FAM168A: variants seen among roughly 807,000 people sequenced by gnomAD.
The protein encoded by FAM168A is protein FAM168A.
FAM168A carries 3 observed loss-of-function variants against 28.5 expected under a neutral mutation model. That is an observed-to-expected ratio of 0.11 (90% CI 0.05 to 0.27). The LOEUF (loss-of-function observed/expected upper bound fraction) is 0.27. FAM168A is among the 10% of genes least tolerant of loss of function. The pLI is 1.00. For missense variants in FAM168A, 222 were observed against 311.5 expected (o/e 0.71, Z 2.16); for synonymous variants, 122 against 124.2 (o/e 0.98, Z 0.12).
chr11:73,414,840 C>G (rs1038234515), intron 4 of FAM168A, among the ~76,000 whole-genome samples: 1 of 152,154 alleles, frequency 6.6e-6, no homozygotes. Flanking sequence ...AACACAGACT[C>G]CAGGATTCTA....
chr11:73,460,951 G>C (rs1867635941), intron 2 of FAM168A, among the ~76,000 whole-genome samples: 1 of 152,146 alleles, frequency 6.6e-6, no homozygotes, highest in African/African-American at 2.4e-5. Context: ...CAGCTATAAG[G>C]TGAGCAGAAA....
At chr11:73,521,512 T>A (rs57673166) in intron 1 of FAM168A, among the ~76,000 whole-genome samples, 11,840 of 152,224 alleles carry the variant, frequency 0.078, 559 homozygotes, top group Non-Finnish European at 0.11. Context: ...TTTTTGTTCA[T>A]ATCTAGTTAG....
chr11:73,542,694 A>G (rs1368103713), intron 1 of FAM168A, among the ~76,000 whole-genome samples: 2 of 152,186 alleles, frequency 1.3e-5, no homozygotes, highest in African/African-American at 4.8e-5. Flanking sequence ...AGTAAAATAC[A>G]AGGTCATTAC....
intron 1 of FAM168A, among the ~76,000 whole-genome samples, chr11:73,572,829 C>G (rs1052641186): frequency 2.6e-5 from 4 of 151,864 alleles, no homozygotes; most frequent in Non-Finnish European, 5.9e-5. Flanking sequence ...GTCCTATGAC[C>G]CTGCCAAATC....
intron 1 of FAM168A, among the ~76,000 whole-genome samples, chr11:73,495,446 C>T (rs1008829737): frequency 6.6e-6 from 1 of 152,232 alleles, no homozygotes; most frequent in African/African-American, 2.4e-5. Context: ...TCCATCACCA[C>T]TCCATCACCA....
Position 73,487,748 on chromosome 11 carries a change from T to C in FAM168A, c.-18-19256A>G, listed in dbSNP as rs183855012. Among the ~76,000 whole-genome samples the C allele has an allele frequency of 2.7e-3, 406 of 152,298 alleles. 5 individuals carry two copies. The highest frequency in any genetic ancestry group is 8.5e-3 in the African/African-American group (352 of 41,548). On this transcript the variant is annotated intron_variant, in intron 1 of 7. Transcript: ENST00000356467. ...TTTTTTCTCTAATCTTAATTTCAAA[T>C]ATCTCATTCGCCAAACACCATCTCT...
chr11:73,498,219 T>A (rs1330101551), intron 1 of FAM168A, among the ~76,000 whole-genome samples: 1 of 151,762 alleles, frequency 6.6e-6, no homozygotes, highest in Non-Finnish European at 1.5e-5. Context: ...AGGATCTAGG[T>A]TCTCTCATCA....
At chr11:73,577,187 T>C (rs765872067) in intron 1 of FAM168A, among the ~76,000 whole-genome samples, 23 of 152,218 alleles carry the variant, frequency 1.5e-4, no homozygotes, top group South Asian at 2.1e-4. Context: ...ATCTGCTATA[T>C]GCCAACTATG....
At chr11:73,532,631 TA>T (rs1199395245) in intron 1 of FAM168A, among the ~76,000 whole-genome samples, 1 of 152,246 alleles carries the variant, frequency 6.6e-6, no homozygotes, top group African/African-American at 2.4e-5. Flanking sequence ...CTCCTCTACA[TA>T]AATTGGAAAA....
At chr11:73,422,904 CTCTGACAGTTGAACAA>C (rs1866823581) in intron 3 of FAM168A, among the ~76,000 whole-genome samples, 1 of 152,216 alleles carries the variant, frequency 6.6e-6, no homozygotes, top group African/African-American at 2.4e-5. Context: ...CCCTCACGCC[CTCTGACAGTTGAACAA>C]TCTGTTTAGC....
At chr11:73,553,968 A>G (rs929665178) in intron 1 of FAM168A, among the ~76,000 whole-genome samples, 1 of 151,700 alleles carries the variant, frequency 6.6e-6, no homozygotes, top group Admixed American at 6.6e-5. Flanking sequence ...CAGTCACTGC[A>G]CCCCAGCCTG....
At chr11:73,419,187 GACA>G (rs893179441) in intron 4 of FAM168A, among the ~76,000 whole-genome samples, 4 of 152,162 alleles carry the variant, frequency 2.6e-5, no homozygotes, top group African/African-American at 4.8e-5. Flanking sequence ...ATGTGACGGT[GACA>G]ACATCAGTTA....
intron 2 of FAM168A, among the ~76,000 whole-genome samples, chr11:73,434,878 T>G (rs1348244210): frequency 6.6e-6 from 1 of 152,154 alleles, no homozygotes; most frequent in Non-Finnish European, 1.5e-5. Flanking sequence ...AGGGAAATAG[T>G]GGAGGTTTGA....
chr11:73,489,909 G>T (rs1251100033), intron 1 of FAM168A, among the ~76,000 whole-genome samples: 1 of 152,032 alleles, frequency 6.6e-6, no homozygotes, highest in East Asian at 1.9e-4. Context: ...CATTCTGGCA[G>T]CTCTTTCTCA....
chr11:73,431,804 A>G (rs1039428997), intron 2 of FAM168A, among the ~76,000 whole-genome samples: 3 of 152,202 alleles, frequency 2.0e-5, no homozygotes, highest in South Asian at 4.1e-4. Context: ...GTGCAATTTA[A>G]CCATTTTTAA....
Position 73,406,545 on chromosome 11 carries a change from G to A in FAM168A, c.*218C>T, listed in dbSNP as rs1164239520. 6.6e-6 allele frequency: 1 copy of A among 152,502 alleles called. No individual in the cohort carries two copies. The highest frequency in any genetic ancestry group is 2.4e-5 in the African/African-American group (1 of 41,438). 9.4% of individuals were successfully genotyped at this position (152,502 alleles called of 1,614,324 possible). On this transcript the variant is annotated 3_prime_UTR_variant, in exon 8 of 8. Coordinates refer to ENST00000356467, the MANE Select transcript of FAM168A (RefSeq NM_015159.3). Reference sequence around the variant, plus strand: ...AGCTGGAAGGGCAGGGGCTAAGAGGGGGACAGTTGGGGAGAGGCAGGAGAT... The same window carrying A: ...AGCTGGAAGGGCAGGGGCTAAGAGGAGGACAGTTGGGGAGAGGCAGGAGAT...
chr11:73,462,746 C>T (rs1171747784), intron 2 of FAM168A, among the ~76,000 whole-genome samples: 3 of 151,790 alleles, frequency 2.0e-5, no homozygotes, highest in Non-Finnish European at 2.9e-5. Context: ...CATAGTGGTA[C>T]GTGCCAGCTA....
chr11:73,401,085 T>TA lies in FAM168A; in HGVS notation c.*5677dup, dbSNP rs1866397388. The TA allele has an allele frequency of 6.8e-6, 1 of 148,006 alleles. No homozygotes were observed. Among genetic ancestry groups the TA allele is most frequent in the Admixed American group, 6.7e-5 (1 of 14,832 alleles). The allele number at this position is 148,006 out of a possible 1,614,324, so 9.2% of individuals were successfully genotyped here. ...TGGAAGACACTGGTCAAAGGTTTAT[T>TA]ATTATTATTATTATTATTATTATTA... On this transcript the variant is annotated 3_prime_UTR_variant, in exon 8 of 8. Transcript: ENST00000356467.
At chr11:73,432,894 A>G (rs1247574144) in intron 2 of FAM168A, among the ~76,000 whole-genome samples, 1 of 152,028 alleles carries the variant, frequency 6.6e-6, no homozygotes, top group Non-Finnish European at 1.5e-5. Flanking sequence ...AATAATAATA[A>G]AAATAAAATA....
Sources: gnomAD v4.1 joint callset for allele counts (sites outside exome capture counted in the v4.1 genomes callset) on GRCh38, gnomAD v4.1.1 for gene constraint, MANE v1.5 for transcripts, NCBI Gene and HGNC (gene_info 2026-07-23, HGNC 2026-07-21) for gene names.